Variants in CSMD1 observed in about 807,000 individuals in gnomAD.
CSMD1 encodes the protein CUB and sushi domain-containing protein 1.
In CSMD1, 213 loss-of-function variants were observed where a neutral mutation model predicts 417.5. That is an observed-to-expected ratio of 0.51 (90% CI 0.46 to 0.57). The LOEUF is 0.57. CSMD1 is among the 20% of genes least tolerant of loss of function. The pLI is 0.00. For synonymous variants in CSMD1, 2,862 were observed against 1,736.8 expected, an observed-to-expected ratio of 1.65 and a Z score of -16.11; for missense variants, 6,923 against 4,529.7, an observed-to-expected ratio of 1.53 and a Z score of -15.17.
chr8:4,877,125 T>G (rs1230428817), intron 1 of CSMD1, among the ~76,000 whole-genome samples: 3 of 152,054 alleles, frequency 2.0e-5, no homozygotes, highest in Non-Finnish European at 2.9e-5. Context: ...AAGTTTTTCT[T>G]TTTATCATGC....
intron 7 of CSMD1, among the ~76,000 whole-genome samples, chr8:3,642,107 C>T (rs1266955051): frequency 1.3e-5 from 2 of 151,946 alleles, no homozygotes; most frequent in Non-Finnish European, 2.9e-5. Context: ...AGCCTACAGC[C>T]ACTCAAAATG....
At chr8:3,750,255 G>T (rs979589849) in intron 6 of CSMD1, among the ~76,000 whole-genome samples, 2 of 151,526 alleles carry the variant, frequency 1.3e-5, no homozygotes, top group African/African-American at 2.4e-5. Flanking sequence ...ACGTTAAAAA[G>T]ATTATAATAT....
At chr8:3,771,344 C>T (rs1053429440) in intron 5 of CSMD1, among the ~76,000 whole-genome samples, 5 of 152,104 alleles carry the variant, frequency 3.3e-5, no homozygotes, top group African/African-American at 1.2e-4. Context: ...AAGAAGAACG[C>T]TTAGAAATTC....
chr8:4,086,598 T>G (rs1311108763), intron 3 of CSMD1, among the ~76,000 whole-genome samples: 1 of 152,148 alleles, frequency 6.6e-6, no homozygotes, highest in Non-Finnish European at 1.5e-5. Context: ...CAGCTTAACC[T>G]TGAATAAAGT....
chr8:3,507,021 G>A (rs1363403976), intron 10 of CSMD1, among the ~76,000 whole-genome samples: 1 of 152,098 alleles, frequency 6.6e-6, no homozygotes, highest in South Asian at 2.1e-4. Flanking sequence ...GATGTTGTAA[G>A]AATTGAACAA....
intron 3 of CSMD1, among the ~76,000 whole-genome samples, chr8:4,387,593 G>T (rs1337083361): frequency 1.0e-4 from 3 of 29,204 alleles, no homozygotes; most frequent in South Asian, 1.3e-3. Flanking sequence ...AAAAAAAAAA[G>T]AGTTGAATGT....
chr8:4,413,825 C>G lies in CSMD1; in HGVS notation c.415+6128G>C, dbSNP rs145606126. Among the ~76,000 whole-genome samples the G allele has an allele frequency of 8.5e-3, 1,286 of 152,174 alleles. 10 individuals are homozygous for G. The highest frequency in any genetic ancestry group is 0.012 in the Admixed American group (187 of 15,278). On this transcript the variant is annotated intron_variant, in intron 3 of 69. Coordinates refer to ENST00000635120, the MANE Select transcript of CSMD1 (RefSeq NM_033225.6). ...GCCTAGAGATAACTAAGGTGAGGAC[C>G]CTACTTCTACTTGTTATGAAATGAG...
intron 1 of CSMD1, among the ~76,000 whole-genome samples, chr8:4,983,642 C>A (rs890957454): frequency 6.6e-6 from 1 of 152,134 alleles, no homozygotes; most frequent in African/African-American, 2.4e-5. Flanking sequence ...CCTGCCTCAA[C>A]CTCCCATGTA....
Position 3,516,693 on chromosome 8 carries a change from G to T in CSMD1, c.1345-22967C>A, listed in dbSNP as rs117529128. Among the ~76,000 whole-genome samples, 835 of 152,242 alleles carry T rather than the reference G, an allele frequency of 5.5e-3. 18 individuals are homozygous for T. The East Asian group carries it at 0.078, about 14-fold the overall frequency. On this transcript the variant is annotated intron_variant, in intron 10 of 69. Coordinates refer to ENST00000635120, the MANE Select transcript of CSMD1 (RefSeq NM_033225.6). ...GGGTACAGGTGGTATTTGGTTACAT[G>T]AGAAAGTTCTTTGGTGGAGATTTGT...
intron 12 of CSMD1, among the ~76,000 whole-genome samples, chr8:3,437,285 C>T (rs889893806): frequency 4.6e-5 from 7 of 152,186 alleles, no homozygotes; most frequent in Non-Finnish European, 5.9e-5. Context: ...TCCCAAATGA[C>T]GGAGCGGCTC....
intron 23 of CSMD1, among the ~76,000 whole-genome samples, chr8:3,332,159 A>G (rs1040623023): frequency 6.6e-6 from 1 of 152,254 alleles, no homozygotes; most frequent in Non-Finnish European, 1.5e-5. Flanking sequence ...GTTTGTTGAG[A>G]TATCTATTAG....
chr8:3,943,624 G>C (rs192818186), intron 5 of CSMD1, among the ~76,000 whole-genome samples: 17 of 152,196 alleles, frequency 1.1e-4, no homozygotes, highest in African/African-American at 3.9e-4. Flanking sequence ...ATGTAACCAA[G>C]AGATCAAAGT....
intron 1 of CSMD1, among the ~76,000 whole-genome samples, chr8:4,989,458 A>T (rs1811352653): frequency 6.6e-6 from 1 of 152,134 alleles, no homozygotes. Flanking sequence ...ACTGTGGAAG[A>T]TCTCCGCCTT....
rs191907660 is a variant in CSMD1 at position 3,184,161 on chromosome 8, G to T, written c.5621-2947C>A. Among the ~76,000 whole-genome samples the T allele has an allele frequency of 3.1e-3, 467 of 152,202 alleles. 3 individuals are homozygous for T. The highest frequency in any genetic ancestry group is 0.011 in the African/African-American group (455 of 41,550). On this transcript the variant is annotated intron_variant, in intron 36 of 69. Transcript: ENST00000635120. ...AGAATCATTTTTTCTTGCTTCAAGAGGCTCTGTATCATAGGCCTGGGATGT... is the reference window on the plus strand; with the variant it reads ...AGAATCATTTTTTCTTGCTTCAAGATGCTCTGTATCATAGGCCTGGGATGT...
chr8:3,340,547 C>G (rs1807579863), intron 23 of CSMD1, among the ~76,000 whole-genome samples: 1 of 152,096 alleles, frequency 6.6e-6, no homozygotes, highest in African/African-American at 2.4e-5. Context: ...TTGAAAATAG[C>G]TGAAAGTGTC....
intron 2 of CSMD1, among the ~76,000 whole-genome samples, chr8:4,461,293 G>C (rs371071649): frequency 1.7e-4 from 26 of 152,064 alleles, no homozygotes; most frequent in African/African-American, 6.3e-4. Context: ...ATGAAATATT[G>C]AACATTTTCT....
chr8:4,700,881 C>T (rs574476155), intron 1 of CSMD1, among the ~76,000 whole-genome samples: 1 of 152,132 alleles, frequency 6.6e-6, no homozygotes, highest in South Asian at 2.1e-4. Context: ...TACAGTGCTC[C>T]TGTTACATGG....
intron 3 of CSMD1, among the ~76,000 whole-genome samples, chr8:4,190,024 C>A (rs1714783): frequency 0.15 from 22,579 of 151,306 alleles, 1,815 homozygotes; most frequent in East Asian, 0.24. Flanking sequence ...TTTGGGAGGC[C>A]AAGGCAGGTA....
intron 5 of CSMD1, among the ~76,000 whole-genome samples, chr8:3,770,804 C>A (rs73658247): frequency 0.014 from 2,079 of 152,154 alleles, 38 homozygotes; most frequent in African/African-American, 0.048. Context: ...CTCTCTCAAC[C>A]ATTATATATT....
Sources: gnomAD v4.1 joint callset for allele counts (sites outside exome capture counted in the v4.1 genomes callset) on GRCh38, gnomAD v4.1.1 for gene constraint, MANE v1.5 for transcripts, NCBI Gene and HGNC (gene_info 2026-07-23, HGNC 2026-07-21) for gene names.